The following RBFOX1 variants were observed in gnomAD, a reference collection of about 807,000 sequenced individuals.
The protein encoded by RBFOX1 is RNA binding fox-1 homolog 1.
A neutral mutation model predicts 57.7 loss-of-function variants in RBFOX1; 8 were observed. That is an observed-to-expected ratio of 0.14 (90% CI 0.08 to 0.25). RBFOX1 has a LOEUF of 0.25. Among genes scored for constraint, RBFOX1 ranks in the 10% least tolerant of loss-of-function variants. The pLI is 1.00. For synonymous variants in RBFOX1, 326 were observed against 222.4 expected (o/e 1.47, Z -4.15); for missense variants, 611 against 548.5 (o/e 1.11, Z -1.14).
At chr16:6,835,818 T>G (rs2093055207) in intron 3 of RBFOX1, among the ~76,000 whole-genome samples, 1 of 148,256 alleles carries the variant, frequency 6.7e-6, no homozygotes, top group Admixed American at 6.7e-5. Context: ...GGTGTCCTGA[T>G]GGATGGACAG....
chr16:5,368,375 A>G (rs1226617609), intron 1 of RBFOX1, among the ~76,000 whole-genome samples: 1 of 152,168 alleles, frequency 6.6e-6, no homozygotes, highest in Non-Finnish European at 1.5e-5. Context: ...TTGCTCTGCA[A>G]TGTCGGGGCA....
intron 4 of RBFOX1, among the ~76,000 whole-genome samples, chr16:7,103,091 C>G (rs758380345): frequency 1.3e-5 from 2 of 150,620 alleles, no homozygotes; most frequent in Admixed American, 6.6e-5. Flanking sequence ...AAATGCAACA[C>G]TCTGTTTCTG....
chr16:6,344,438 C>T (rs1420954874), intron 2 of RBFOX1, among the ~76,000 whole-genome samples: 4 of 107,922 alleles, frequency 3.7e-5, no homozygotes, highest in Non-Finnish European at 6.8e-5. Flanking sequence ...GTCTCTATCG[C>T]CCAGGCTGGA....
chr16:6,226,651 C>G (rs946903850), intron 1 of RBFOX1, among the ~76,000 whole-genome samples: 4 of 152,084 alleles, frequency 2.6e-5, no homozygotes, highest in Admixed American at 6.6e-5. Context: ...CCTCCAAGAG[C>G]ATTTTCTCCC....
chr16:5,758,076 A>G (rs2053462867), intron 3 of RBFOX1, among the ~76,000 whole-genome samples: 1 of 152,192 alleles, frequency 6.6e-6, no homozygotes, highest in South Asian at 2.1e-4. Context: ...AAGTTGGGTG[A>G]TACAGAATTC....
intron 5 of RBFOX1, among the ~76,000 whole-genome samples, chr16:7,558,955 T>G (rs1384575415): frequency 6.6e-6 from 1 of 152,220 alleles, no homozygotes; most frequent in Non-Finnish European, 1.5e-5. Context: ...TTTTGAAGAT[T>G]TTTTTCCCTA....
At chr16:6,615,255 C>A (rs909901582) in intron 2 of RBFOX1, among the ~76,000 whole-genome samples, 7 of 152,198 alleles carry the variant, frequency 4.6e-5, no homozygotes, top group African/African-American at 1.7e-4. Context: ...AGACTAGAAT[C>A]TCATTCACTG....
chr16:5,448,781 C>T (rs1307753883), intron 1 of RBFOX1, among the ~76,000 whole-genome samples: 1 of 152,198 alleles, frequency 6.6e-6, no homozygotes, highest in African/African-American at 2.4e-5. Context: ...TTTTTGAGCA[C>T]AAATTCGGTG....
At chr16:6,877,436 A>C (rs1396509961) in intron 3 of RBFOX1, among the ~76,000 whole-genome samples, 1 of 152,100 alleles carries the variant, frequency 6.6e-6, no homozygotes, top group Non-Finnish European at 1.5e-5. Context: ...GAGACAAGCA[A>C]AACCAGAGTA....
At chr16:6,488,357 G>A (rs1258460724) in intron 2 of RBFOX1, among the ~76,000 whole-genome samples, 3 of 152,174 alleles carry the variant, frequency 2.0e-5, no homozygotes, top group Non-Finnish European at 4.4e-5. Flanking sequence ...GTATTAAAAT[G>A]ATGAGGATGA....
At chr16:6,082,887 A>G (rs1225536018) in intron 1 of RBFOX1, among the ~76,000 whole-genome samples, 1 of 152,150 alleles carries the variant, frequency 6.6e-6, no homozygotes, top group Non-Finnish European at 1.5e-5. Context: ...AGTGCTTATC[A>G]CGGAGCCTAG....
At chr16:7,486,613 T>G (rs549456078) in intron 4 of RBFOX1, among the ~76,000 whole-genome samples, 3 of 152,150 alleles carry the variant, frequency 2.0e-5, no homozygotes, top group Non-Finnish European at 4.4e-5. Context: ...GCATTCACAG[T>G]GTCCAGTTCA....
intron 5 of RBFOX1, among the ~76,000 whole-genome samples, chr16:7,564,264 G>A (rs1051062227): frequency 6.6e-6 from 1 of 152,110 alleles, no homozygotes; most frequent in Non-Finnish European, 1.5e-5. Flanking sequence ...CTCAAGCCGG[G>A]CGTGGTGGCT....
At position 5,518,215 on chromosome 16, in the gene RBFOX1, G is replaced by GT. The variant is rs1168666603; in HGVS notation, c.258+50963dup. Among the ~76,000 whole-genome samples the GT allele has an allele frequency of 3.3e-5, 5 of 152,246 alleles. No homozygotes were observed. The East Asian group carries it at 9.6e-4, about 29-fold the overall frequency. On this transcript the variant is annotated intron_variant, in intron 2 of 2. Transcript: ENST00000585867. The stretch of plus-strand genomic sequence containing the variant: ...TTAATGTGATGGATGATGTTCCTTG[G>GT]TTGAAACTAAATCACTTCTCATAAA...
chr16:7,204,989 C>T (rs1390099696), intron 4 of RBFOX1, among the ~76,000 whole-genome samples: 3 of 152,156 alleles, frequency 2.0e-5, no homozygotes, highest in Non-Finnish European at 2.9e-5. Context: ...GTGACTTTCT[C>T]TTTATCCTAC....
At chr16:6,373,932 C>A (rs997397598) in intron 2 of RBFOX1, among the ~76,000 whole-genome samples, 1 of 152,130 alleles carries the variant, frequency 6.6e-6, no homozygotes, top group Non-Finnish European at 1.5e-5. Context: ...TATCTATTGA[C>A]TGTGTGACTA....
At chr16:7,186,198 A>G (rs1036825486) in intron 4 of RBFOX1, among the ~76,000 whole-genome samples, 2 of 149,210 alleles carry the variant, frequency 1.3e-5, no homozygotes, top group Admixed American at 6.7e-5. Flanking sequence ...ATACATAAAT[A>G]TAAATGTGTA....
intron 3 of RBFOX1, among the ~76,000 whole-genome samples, chr16:5,738,256 T>G (rs983876074): frequency 8.6e-5 from 13 of 151,800 alleles, no homozygotes; most frequent in Non-Finnish European, 1.8e-4. Flanking sequence ...GCAGGGTGTT[T>G]AGGGTATCCA....
At chr16:7,249,705 C>A (rs1330211763) in intron 4 of RBFOX1, among the ~76,000 whole-genome samples, 2 of 151,874 alleles carry the variant, frequency 1.3e-5, no homozygotes, top group Admixed American at 1.3e-4. Flanking sequence ...GGCACAGTCC[C>A]AATTGCTGAG....
Sources: allele counts gnomAD v4.1 joint callset (sites outside exome capture counted in the v4.1 genomes callset), GRCh38; gene constraint gnomAD v4.1.1; transcripts MANE v1.5; gene names NCBI Gene and HGNC (gene_info 2026-07-23, HGNC 2026-07-21).